ACTR3C: variants seen among roughly 807,000 people sequenced by gnomAD.
ACTR3C encodes the protein actin related protein 3C.
In ACTR3C, 18 loss-of-function variants were observed where a neutral mutation model predicts 26.3. The ratio of observed to expected loss-of-function variants is 0.68; its 90% CI spans 0.47 to 1.01. ACTR3C has a LOEUF of 1.01. ACTR3C is among the 50% of genes least tolerant of loss of function. The probability of loss-of-function intolerance (pLI) is 0.00; values close to 1 mark genes in which losing one functional copy is unlikely to be tolerated. For synonymous variants in ACTR3C, 55 were observed against 94.5 expected (o/e 0.58, Z 2.42); for missense variants, 184 against 250.7 (o/e 0.73, Z 1.80).
chr7:150,234,843 T>C, the ACTR3C span, among the ~76,000 whole-genome samples: 1 of 152,216 alleles, frequency 6.6e-6, no homozygotes, highest in Non-Finnish European at 1.5e-5. Context: ...AGATGTCTCT[T>C]AATGTACCTT....
intron 6 of ACTR3C, among the ~76,000 whole-genome samples, chr7:150,281,412 T>A (rs1169756465): frequency 2.6e-4 from 39 of 150,478 alleles, no homozygotes; most frequent in Admixed American, 2.4e-3. Flanking sequence ...GAAGGGAGCG[T>A]AGCAGGGAGT....
chr7:150,272,518 G>C (rs1457708264), intron 6 of ACTR3C, among the ~76,000 whole-genome samples: 1 of 138,924 alleles, frequency 7.2e-6, no homozygotes, highest in Admixed American at 6.8e-5. Context: ...ACCTATGCTT[G>C]TTTCACCTTC....
At chr7:150,111,456 A>C in the ACTR3C span, among the ~76,000 whole-genome samples, 1 of 83,492 alleles carries the variant, frequency 1.2e-5, no homozygotes. Flanking sequence ...CCCCATACTC[A>C]CTCCCCCACA....
chr7:149,919,804 G>T, the ACTR3C span, among the ~76,000 whole-genome samples: 1 of 151,944 alleles, frequency 6.6e-6, no homozygotes, highest in East Asian at 1.9e-4. Flanking sequence ...CATTTCAAAG[G>T]TATACAAAGT....
chr7:149,950,337 G>A, the ACTR3C span, among the ~76,000 whole-genome samples: 1 of 146,150 alleles, frequency 6.8e-6, no homozygotes. Context: ...CAGTTGGCCA[G>A]CTGCTGCGAG....
chr7:149,896,825 C>T, the ACTR3C span, among the ~76,000 whole-genome samples: 6,775 of 151,772 alleles, frequency 0.045, 508 homozygotes, highest in African/African-American at 0.16. Context: ...TTTAGGAGGT[C>T]GAGGCGGGTA....
At chr7:150,258,585 G>A (rs1331389168) in intron 6 of ACTR3C, among the ~76,000 whole-genome samples, 1 of 152,278 alleles carries the variant, frequency 6.6e-6, no homozygotes, top group African/African-American at 2.4e-5. Flanking sequence ...GACGTCCTTA[G>A]TAATTGTAGT....
chr7:149,911,750 T>C, the ACTR3C span, among the ~76,000 whole-genome samples: 14 of 152,120 alleles, frequency 9.2e-5, no homozygotes, highest in Admixed American at 8.5e-4. Flanking sequence ...CAGGCTATTA[T>C]ATCATTTTCG....
the ACTR3C span, among the ~76,000 whole-genome samples, chr7:150,009,083 T>C: frequency 6.6e-6 from 1 of 152,088 alleles, no homozygotes. Context: ...GGGCCAGAAG[T>C]GGGGATGTTA....
chr7:150,040,551 C>T, the ACTR3C span: 1 of 148,534 alleles, frequency 6.7e-6, no homozygotes. Flanking sequence ...AGAATTCTCT[C>T]ACCTGCCTTC....
chr7:150,205,792 A>G, the ACTR3C span, among the ~76,000 whole-genome samples: 1 of 152,092 alleles, frequency 6.6e-6, no homozygotes, highest in African/African-American at 2.4e-5. Context: ...TTCTACTTAG[A>G]AAATAATTCA....
chr7:150,091,986 TCAAAAAAAAAAAAAAA>T, the ACTR3C span, among the ~76,000 whole-genome samples: 3 of 6,462 alleles, frequency 4.6e-4, no homozygotes, highest in African/African-American at 1.0e-3. Flanking sequence ...AGACTCCGTC[TCAAAAAAAAAAAAAAA>T]AAAAAAAAAA....
chr7:149,908,266 A>T, the ACTR3C span, among the ~76,000 whole-genome samples: 1 of 152,168 alleles, frequency 6.6e-6, no homozygotes, highest in East Asian at 1.9e-4. Context: ...TAATTTCCCC[A>T]GTCTTTAGTA....
chr7:150,142,631 C>T, the ACTR3C span, among the ~76,000 whole-genome samples: 1,631 of 143,498 alleles, frequency 0.011, 22 homozygotes, highest in African/African-American at 0.04. Context: ...CGGGTTCAAG[C>T]GATTCTCCTG....
At chr7:150,042,170 T>C in the ACTR3C span, among the ~76,000 whole-genome samples, 1 of 19,290 alleles carries the variant, frequency 5.2e-5, no homozygotes. Flanking sequence ...TCTCAGTCCC[T>C]GCCTCGCGGG....
chr7:150,035,020 G>GT, the ACTR3C span, among the ~76,000 whole-genome samples: 7 of 143,956 alleles, frequency 4.9e-5, no homozygotes, highest in South Asian at 4.4e-4. Context: ...CAGAGCCAGG[G>GT]GGGGAAGAGG....
the ACTR3C span, among the ~76,000 whole-genome samples, chr7:149,924,586 G>T: frequency 7.2e-5 from 11 of 152,112 alleles, no homozygotes; most frequent in Non-Finnish European, 1.5e-4. Context: ...CCCTAAAAAT[G>T]GAAAGGAAGA....
chr7:150,263,602 G>T lies in ACTR3C; in HGVS notation c.565-14548C>A, dbSNP rs1342451712. ...CTATGAAAGGGAATTGTCTATGATT[G>T]TTCAAAAGCCAATCTTCAGATTCAG... On this transcript the variant is annotated intron_variant, in intron 6 of 7. Coordinates refer to ENST00000683684, the MANE Select transcript of ACTR3C (RefSeq NM_001164458.2). 2.0e-5 allele frequency among the ~76,000 whole-genome samples: 3 copies of T among 152,144 alleles called. No individual in the cohort carries two copies. The South Asian group carries it at 6.3e-4, about 32-fold the overall frequency.
chr7:150,093,873 T>C, the ACTR3C span, among the ~76,000 whole-genome samples: 2 of 150,920 alleles, frequency 1.3e-5, no homozygotes, highest in Non-Finnish European at 2.9e-5. Flanking sequence ...CATTAATAAT[T>C]ACAGCAAACA....
Sources: gnomAD v4.1 joint callset for allele counts (sites outside exome capture counted in the v4.1 genomes callset) on GRCh38, gnomAD v4.1.1 for gene constraint, MANE v1.5 for transcripts, NCBI Gene and HGNC (gene_info 2026-07-23, HGNC 2026-07-21) for gene names.